The following SOBP variants were observed in gnomAD, a reference collection of about 807,000 sequenced individuals.
SOBP encodes the protein sine oculis binding protein homolog, also known as sine oculis-binding protein homolog.
In SOBP, 4 loss-of-function variants were observed where a neutral mutation model predicts 53.6. The observed-to-expected ratio is 0.07, with a 90% CI of 0.04 to 0.17. The LOEUF (loss-of-function observed/expected upper bound fraction) is 0.17. Among genes scored for constraint, SOBP ranks in the 10% least tolerant of loss-of-function variants. The probability of loss-of-function intolerance (pLI) is 1.00; values close to 1 mark genes in which losing one functional copy is unlikely to be tolerated. For synonymous variants in SOBP, 584 were observed against 522.6 expected (o/e 1.12, Z -1.60); for missense variants, 1,088 against 1,204.7 (o/e 0.90, Z 1.43).
intron 4 of SOBP, among the ~76,000 whole-genome samples, chr6:107,574,533 T>C (rs1301131929): frequency 2.0e-5 from 3 of 152,150 alleles, no homozygotes; most frequent in African/African-American, 7.2e-5. Context: ...GAAACTGGAA[T>C]TTAAGAGATT....
At chr6:107,498,805 A>G (rs1194286488) in intron 1 of SOBP, among the ~76,000 whole-genome samples, 2 of 152,208 alleles carry the variant, frequency 1.3e-5, no homozygotes, top group Admixed American at 6.5e-5. Context: ...AGAAGAGATC[A>G]TGCTTTCAGA....
At chr6:107,610,127 C>T (rs1386367361) in intron 5 of SOBP, among the ~76,000 whole-genome samples, 1 of 152,160 alleles carries the variant, frequency 6.6e-6, no homozygotes, top group Non-Finnish European at 1.5e-5. Flanking sequence ...TTGACACTTC[C>T]ACAAACTTCT....
chr6:107,632,709 A>G (rs1770770359), intron 5 of SOBP, among the ~76,000 whole-genome samples: 1 of 152,218 alleles, frequency 6.6e-6, no homozygotes, highest in Admixed American at 6.5e-5. Context: ...TCTGCAGCCC[A>G]ACTTTAAAAT....
chr6:107,576,955 T>C (rs1040178961), intron 4 of SOBP, among the ~76,000 whole-genome samples: 1 of 152,244 alleles, frequency 6.6e-6, no homozygotes, highest in Non-Finnish European at 1.5e-5. Flanking sequence ...TGAGAATTTA[T>C]AGTTCTTGAC....
At chr6:107,606,432 G>A (rs747919841) in intron 5 of SOBP, among the ~76,000 whole-genome samples, 2 of 152,140 alleles carry the variant, frequency 1.3e-5, no homozygotes, top group Non-Finnish European at 2.9e-5. Flanking sequence ...ATCACAAAAA[G>A]TAACAGGTTG....
intron 6 of SOBP, among the ~76,000 whole-genome samples, chr6:107,656,526 G>T: frequency 6.6e-6 from 1 of 152,082 alleles, no homozygotes; most frequent in East Asian, 1.9e-4. Flanking sequence ...TACATATTAA[G>T]TACACACAGA....
Position 107,635,274 on chromosome 6 carries a change from G to A in SOBP, c.2430G>A (p.Ala810=), listed in dbSNP as rs1266443288. 6 of 1,613,734 alleles carry A rather than the reference G, an allele frequency of 3.7e-6. No individual in the cohort carries two copies. Among genetic ancestry groups the A allele is most frequent in the Non-Finnish European group, 4.2e-6 (5 of 1,179,994 alleles). The stretch of plus-strand genomic sequence containing the variant: ...CAGACCCGAACCTTAATAACCCCGC[G>A]GACGAGGACCATGCCTATGCTCTGC... The part of the protein sequence containing the change: ...DKSDPNLNNP[A]DEDHAYALRM... The change falls in exon 6 of 7, where the codon GCG becomes GCA. Residue 810 remains alanine, a synonymous_variant. Coordinates refer to ENST00000317357, the MANE Select transcript of SOBP (RefSeq NM_018013.4). The surrounding 1 kb of genome is among the most constrained non-coding windows in gnomAD (Gnocchi z 4.5).
rs761023370 is a variant in SOBP, at chr6:107,660,148, G to A, written c.*1945G>A. 5.3e-5 allele frequency: 8 copies of A among 152,350 alleles called. No individual in the cohort carries two copies. The highest frequency in any genetic ancestry group is 1.0e-4 in the Non-Finnish European group (7 of 67,970). The allele number at this position is 152,350 out of a possible 1,614,324, so 9.4% of individuals were successfully genotyped here. A position where few individuals can be genotyped will look rare whatever the true frequency, so the allele number is the denominator to read the frequency against. ...TCGAAGAAAAAAAATGCACTTACAT[G>A]TGCTTATTTGGCTTTTCTCATTATT... is the stretch of plus-strand genomic sequence containing the variant. On this transcript the variant is annotated 3_prime_UTR_variant, in exon 7 of 7. Coordinates refer to ENST00000317357, the MANE Select transcript of SOBP (RefSeq NM_018013.4).
chr6:107,545,812 A>G (rs896910874), intron 4 of SOBP, among the ~76,000 whole-genome samples: 1 of 152,094 alleles, frequency 6.6e-6, no homozygotes, highest in African/African-American at 2.4e-5. Context: ...AATGACAGTC[A>G]TTTCCAAAAG....
At chr6:107,641,923 A>G (rs1284455613) in intron 6 of SOBP, among the ~76,000 whole-genome samples, 4 of 152,168 alleles carry the variant, frequency 2.6e-5, no homozygotes, top group African/African-American at 4.8e-5. Context: ...GGGGGTGGCC[A>G]TGCTGTTTTC....
chr6:107,545,562 A>G (rs1347308397), intron 4 of SOBP, among the ~76,000 whole-genome samples: 2 of 152,208 alleles, frequency 1.3e-5, no homozygotes, highest in African/African-American at 4.8e-5. Flanking sequence ...TGTAGTGACA[A>G]ATAAATAGGC....
intron 5 of SOBP, among the ~76,000 whole-genome samples, chr6:107,608,964 C>T (rs1265614021): frequency 2.0e-5 from 3 of 152,178 alleles, no homozygotes; most frequent in Non-Finnish European, 4.4e-5. Flanking sequence ...AATACCACTC[C>T]CCCGCCCCAA....
At chr6:107,623,691 G>A (rs1213322403) in intron 5 of SOBP, among the ~76,000 whole-genome samples, 3 of 152,172 alleles carry the variant, frequency 2.0e-5, no homozygotes, top group Non-Finnish European at 4.4e-5. Flanking sequence ...TTGGGAAAGG[G>A]TTTCTGATTT....
chr6:107,492,750 C>T (rs1782610380), intron 1 of SOBP, among the ~76,000 whole-genome samples: 1 of 152,106 alleles, frequency 6.6e-6, no homozygotes, highest in South Asian at 2.1e-4. Flanking sequence ...AAATCACCAC[C>T]CACTATTTGA....
At chr6:107,586,398 C>CTG (rs1250153803) in intron 4 of SOBP, among the ~76,000 whole-genome samples, 2 of 152,194 alleles carry the variant, frequency 1.3e-5, no homozygotes, top group African/African-American at 4.8e-5. Context: ...AGAAAGAAGA[C>CTG]TGTATGCAAG....
intron 5 of SOBP, among the ~76,000 whole-genome samples, chr6:107,619,778 C>T (rs1017136992): frequency 6.6e-6 from 1 of 152,080 alleles, no homozygotes; most frequent in Non-Finnish European, 1.5e-5. Flanking sequence ...GGCCTCCCAG[C>T]CCTTGGATTT....
intron 4 of SOBP, among the ~76,000 whole-genome samples, chr6:107,550,355 G>C (rs192122665): frequency 1.7e-3 from 258 of 152,340 alleles, no homozygotes; most frequent in Non-Finnish European, 3.1e-3. Flanking sequence ...GCTCAGAAGA[G>C]TGTCTGTTTG....
chr6:107,621,555 C>A (rs1770175456), intron 5 of SOBP, among the ~76,000 whole-genome samples: 1 of 152,230 alleles, frequency 6.6e-6, no homozygotes, highest in Non-Finnish European at 1.5e-5. Context: ...GTCACTCTCA[C>A]ACAGGTTTTA....
chr6:107,512,359 C>T (rs1300972007), intron 3 of SOBP, among the ~76,000 whole-genome samples: 3 of 152,290 alleles, frequency 2.0e-5, no homozygotes, highest in Admixed American at 1.3e-4. Flanking sequence ...CTTTAAAGGG[C>T]TTGGGCATGG....
Sources: gnomAD v4.1 joint callset for allele counts (sites outside exome capture counted in the v4.1 genomes callset) on GRCh38, gnomAD v4.1.1 for gene constraint, Gnocchi (gnomAD v3.1) non-coding constraint, MANE v1.5 for transcripts, NCBI Gene and HGNC (gene_info 2026-07-23, HGNC 2026-07-21) for gene names.